The following RBFOX1 variants were observed in gnomAD, a reference collection of about 807,000 sequenced individuals.
The protein encoded by RBFOX1 is RNA binding protein fox-1 homolog 1.
RBFOX1 carries 8 observed loss-of-function variants against 57.7 expected under a neutral mutation model. The ratio of observed to expected loss-of-function variants is 0.14; its 90% CI spans 0.08 to 0.25. The LOEUF is 0.25. Among genes scored for constraint, RBFOX1 ranks in the 10% least tolerant of loss-of-function variants. The pLI, the probability that RBFOX1 is intolerant of heterozygous loss-of-function variation, is 1.00. For synonymous variants in RBFOX1, 326 were observed against 222.4 expected (o/e 1.47, Z -4.15); for missense variants, 611 against 548.5 (o/e 1.11, Z -1.14).
At chr16:6,398,164 A>ACT (rs914789561) in intron 2 of RBFOX1, among the ~76,000 whole-genome samples, 3 of 152,114 alleles carry the variant, frequency 2.0e-5, no homozygotes, top group African/African-American at 7.2e-5. Flanking sequence ...ATCTCATGAG[A>ACT]ACTCACCATC....
intron 2 of RBFOX1, among the ~76,000 whole-genome samples, chr16:6,494,288 G>A (rs1320043181): frequency 6.6e-6 from 1 of 152,092 alleles, no homozygotes; most frequent in African/African-American, 2.4e-5. Flanking sequence ...TCGTGTGTAG[G>A]TTTCTGTATC....
At chr16:6,980,034 G>A (rs143763193) in intron 3 of RBFOX1, among the ~76,000 whole-genome samples, 4 of 151,226 alleles carry the variant, frequency 2.6e-5, no homozygotes, top group East Asian at 3.9e-4. Flanking sequence ...TAGTGTTAAC[G>A]GTGGGGCTAC....
intron 4 of RBFOX1, among the ~76,000 whole-genome samples, chr16:5,930,173 T>G (rs2059019277): frequency 6.7e-6 from 1 of 150,270 alleles, no homozygotes; most frequent in Non-Finnish European, 1.5e-5. Context: ...TGACAGAAAC[T>G]CAACACCAAA....
intron 4 of RBFOX1, among the ~76,000 whole-genome samples, chr16:5,936,516 C>T (rs2059171787): frequency 2.6e-5 from 4 of 152,136 alleles, no homozygotes; most frequent in Non-Finnish European, 4.4e-5. Context: ...AGAGAATGAC[C>T]AAGTTCCTCT....
chr16:5,982,391 C>G (rs1269690705), intron 4 of RBFOX1, among the ~76,000 whole-genome samples: 13 of 152,254 alleles, frequency 8.5e-5, no homozygotes, highest in Admixed American at 7.8e-4. Context: ...TTCCCTTCCT[C>G]AGCCTCCCAA....
At chr16:6,403,239 A>C (rs539082533) in intron 2 of RBFOX1, among the ~76,000 whole-genome samples, 88 of 152,316 alleles carry the variant, frequency 5.8e-4, no homozygotes, top group African/African-American at 2.0e-3. Context: ...GGTAATTTGT[A>C]AACAAAAGTT....
Position 5,700,577 on chromosome 16 carries a change from C to T in RBFOX1, c.318+101616C>T, listed in dbSNP as rs145742570. Among the ~76,000 whole-genome samples the T allele has an allele frequency of 6.4e-3, 976 of 152,262 alleles. 8 individuals are homozygous for T. Among genetic ancestry groups the T allele is most frequent in the African/African-American group, 0.021 (889 of 41,534 alleles). On this transcript the variant is annotated intron_variant, in intron 3 of 19. Coordinates refer to the RBFOX1 transcript ENST00000641259. Reference sequence around the variant, plus strand: ...TTTCACTGTGGTGTATCTAGGTAGACATTTCATTGATCCTGGTTGGAACTC... The same window carrying T: ...TTTCACTGTGGTGTATCTAGGTAGATATTTCATTGATCCTGGTTGGAACTC...
chr16:5,449,066 A>G (rs142511390), intron 1 of RBFOX1, among the ~76,000 whole-genome samples: 91 of 152,174 alleles, frequency 6.0e-4, no homozygotes, highest in Middle Eastern at 3.4e-3. Context: ...CGTTACCCCA[A>G]ACTGGGATCC....
intron 4 of RBFOX1, among the ~76,000 whole-genome samples, chr16:5,883,026 G>T: frequency 6.6e-6 from 1 of 152,168 alleles, no homozygotes; most frequent in East Asian, 1.9e-4. Context: ...TCCAGACCCT[G>T]CTCTTAGGAT....
intron 3 of RBFOX1, among the ~76,000 whole-genome samples, chr16:6,847,335 C>A (rs1233646371): frequency 6.6e-6 from 1 of 152,132 alleles, no homozygotes; most frequent in Admixed American, 6.5e-5. Context: ...CCAGCCAGAC[C>A]TGTGTCCTCA....
At chr16:5,775,019 C>T (rs1172254296) in intron 3 of RBFOX1, among the ~76,000 whole-genome samples, 1 of 152,064 alleles carries the variant, frequency 6.6e-6, no homozygotes, top group Non-Finnish European at 1.5e-5. Flanking sequence ...ATGGCAATCC[C>T]CTTCGCTTTT....
At chr16:5,611,794 C>CCACT in intron 3 of RBFOX1, among the ~76,000 whole-genome samples, 1 of 131,506 alleles carries the variant, frequency 7.6e-6, no homozygotes, top group East Asian at 2.5e-4. Flanking sequence ...ATCCATCCAT[C>CCACT]CACCCACCCA....
At chr16:5,856,187 C>CTATATATATATA (rs1200113050) in intron 3 of RBFOX1, among the ~76,000 whole-genome samples, 6 of 31,062 alleles carry the variant, frequency 1.9e-4, no homozygotes, top group Admixed American at 4.7e-4. Flanking sequence ...CTCTCTCTCT[C>CTATATATATATA]TATATATATA....
intron 4 of RBFOX1, among the ~76,000 whole-genome samples, chr16:7,194,844 C>G (rs1172427873): frequency 6.7e-6 from 1 of 150,114 alleles, no homozygotes; most frequent in East Asian, 2.0e-4. Flanking sequence ...GGGAGGATTG[C>G]TTAAGCCTGG....
chr16:6,605,871 G>C (rs142904627), intron 2 of RBFOX1, among the ~76,000 whole-genome samples: 4 of 152,116 alleles, frequency 2.6e-5, no homozygotes, highest in African/African-American at 9.7e-5. Flanking sequence ...AGTCTGAGGC[G>C]GGTGGATCAC....
rs958029588 is a variant in RBFOX1, at chr16:5,947,589, C to G, written c.351+80254C>G. On this transcript the variant is annotated intron_variant, in intron 4 of 19. Coordinates refer to the RBFOX1 transcript ENST00000641259. This position sits in a 1 kb window ranked among gnomAD's most constrained non-coding sequence, Gnocchi z 7.2. ...TCTCACATATCAGCCTCCCAAAGTG[C>G]TGGGATTACATGCATGATCCACCAT... Among the ~76,000 whole-genome samples, 1 of 152,204 alleles carries G rather than the reference C, an allele frequency of 6.6e-6. No individual in the cohort carries two copies. Among genetic ancestry groups the G allele is most frequent in the African/African-American group, 2.4e-5 (1 of 41,448 alleles).
intron 4 of RBFOX1, among the ~76,000 whole-genome samples, chr16:7,499,636 G>T (rs991763827): frequency 1.3e-5 from 2 of 152,084 alleles, no homozygotes; most frequent in African/African-American, 4.8e-5. Flanking sequence ...AATCAAACGA[G>T]AAAAAACAGT....
intron 2 of RBFOX1, among the ~76,000 whole-genome samples, chr16:5,556,853 G>C (rs11644816): frequency 0.38 from 57,902 of 151,888 alleles, 11,321 homozygotes; most frequent in Non-Finnish European, 0.42. Flanking sequence ...TTACTTCCCT[G>C]TCATTGACAC....
intron 4 of RBFOX1, among the ~76,000 whole-genome samples, chr16:7,317,460 C>CT (rs1252086875): frequency 2.0e-5 from 3 of 152,136 alleles, no homozygotes; most frequent in African/African-American, 7.2e-5. Flanking sequence ...CAATCCAGTG[C>CT]TATTATCACC....
Sources: gnomAD v4.1 joint callset for allele counts (sites outside exome capture counted in the v4.1 genomes callset) on GRCh38, gnomAD v4.1.1 for gene constraint, Gnocchi (gnomAD v3.1) non-coding constraint, MANE v1.5 for transcripts, NCBI Gene and HGNC (gene_info 2026-07-23, HGNC 2026-07-21) for gene names.